USP4: variants seen among roughly 807,000 people sequenced by gnomAD.
USP4 encodes the protein ubiquitin specific peptidase 4, also known as ubiquitin carboxyl-terminal hydrolase 4.
Under a neutral mutation model 118.2 loss-of-function variants are expected in USP4, and 72 were observed. The ratio of observed to expected loss-of-function variants is 0.61; its 90% CI spans 0.50 to 0.74. The LOEUF is 0.74. Among genes scored for constraint, USP4 ranks in the 30% least tolerant of loss-of-function variants. USP4 has a pLI of 0.00. For missense variants in USP4, 1,037 were observed against 1,185.7 expected (o/e 0.87, Z 1.84); for synonymous variants, 415 against 440.4 (o/e 0.94, Z 0.72).
Position 49,284,045 on chromosome 3 carries a change from A to T in USP4, c.2482T>A (p.Phe828Ile). 1 of 1,614,242 alleles carries T rather than the reference A, an allele frequency of 6.2e-7. No homozygotes were observed. ...TCCCTCCAGTATCTGTTGTAGGAGAAACGTTTGAGGTGGACCACCAGGATC... is the reference window on the plus strand; with the variant it reads ...TCCCTCCAGTATCTGTTGTAGGAGATACGTTTGAGGTGGACCACCAGGATC... Reference protein sequence around the residue: ...PKILVVHLKRFSYNRYWRDKL... With the variant: ...PKILVVHLKRISYNRYWRDKL... Residue 828 changes from phenylalanine (F) to isoleucine (I), a missense_variant, in exon 19 of 22, where the codon TTC becomes ATC. By Grantham distance (21) the Phe-to-Ile change is conservative. Coordinates refer to ENST00000265560, the MANE Select transcript of USP4 (RefSeq NM_003363.4).
chr3:49,325,360 GTTT>G (rs920802280), intron 4 of USP4, among the ~76,000 whole-genome samples: 1 of 145,848 alleles, frequency 6.9e-6, no homozygotes, highest in Non-Finnish European at 1.5e-5. Flanking sequence ...GCTGCGATTT[GTTT>G]TTTTTTTTAA....
At position 49,335,417 on chromosome 3, in the gene USP4, T is replaced by A. The variant is rs201308122; in HGVS notation, c.229+52A>T. On this transcript the variant is annotated intron_variant, in intron 2 of 21. Transcript: ENST00000265560. ...GTCCATGTTACAGATGCACATAACA[T>A]CAGGCCACTGCCCAGGTGAATGTTT... The A allele has an allele frequency of 6.9e-5, 112 of 1,612,562 alleles. 1 individual carries two copies. Among genetic ancestry groups the A allele is most frequent in the Non-Finnish European group, 9.4e-5 (111 of 1,178,850 alleles).
At chr3:49,313,512 GAAC>G (rs1293818741) in intron 6 of USP4, among the ~76,000 whole-genome samples, 1 of 149,918 alleles carries the variant, frequency 6.7e-6, no homozygotes, top group East Asian at 2.0e-4. Context: ...TGGGCAACAA[GAAC>G]AAAACTCCAT....
chr3:49,322,820 G>T (rs927397049), intron 6 of USP4, among the ~76,000 whole-genome samples: 2 of 150,230 alleles, frequency 1.3e-5, no homozygotes, highest in Non-Finnish European at 3.0e-5. Context: ...TCGCACCATT[G>T]CACTCCAACC....
chr3:49,278,793 C>A, intron 21 of USP4, 21 bp downstream of exon 21: 1 of 1,554,986 alleles, frequency 6.4e-7, no homozygotes, highest in South Asian at 1.2e-5. Context: ...GAGGAAGAAC[C>A]ACATATCATG....
At chr3:49,282,003 C>T (rs976964096) in intron 19 of USP4, among the ~76,000 whole-genome samples, 7 of 151,146 alleles carry the variant, frequency 4.6e-5, no homozygotes, top group Non-Finnish European at 1.0e-4. Flanking sequence ...GAGTGAGACA[C>T]GGTCTCAAAA....
rs1452263073 is a variant in USP4 at position 49,338,361 on chromosome 3, A to C, written c.101+1563T>G. On this transcript the variant is annotated intron_variant, in intron 1 of 21. Transcript: ENST00000265560. ...TTATGAACCCTATAGAGGTTAACTT[A>C]AAAAGTACCTCTGCTAGGCCGGGCG... Among the ~76,000 whole-genome samples, 3 of 152,078 alleles carry C rather than the reference A, an allele frequency of 2.0e-5. No homozygotes were observed. The East Asian group carries it at 5.8e-4, about 29-fold the overall frequency.
At chr3:49,335,400 TAC>T in intron 2 of USP4, 67 bp downstream of exon 2, 2 of 1,602,648 alleles carry the variant, frequency 1.2e-6, no homozygotes, top group Non-Finnish European at 1.7e-6. Flanking sequence ...ACGTCCATGT[TAC>T]AGATGCACAT....
At chr3:49,334,724 C>G (rs1393891918) in intron 2 of USP4, among the ~76,000 whole-genome samples, 1 of 152,056 alleles carries the variant, frequency 6.6e-6, no homozygotes, top group East Asian at 1.9e-4. Context: ...ACCATGTTGG[C>G]CAGGCTGGTC....
At chr3:49,312,356 GCGGGCGCCTGTCATCCCAGCCACT>G in intron 6 of USP4, 1 of 397,004 alleles carries the variant, frequency 2.5e-6, no homozygotes, top group Non-Finnish European at 5.1e-6. Context: ...GGACATGGTG[GCGGGCGCCTGTCATCCCAGCCACT>G]CGGGAGGCTG....
chr3:49,293,064 G>T (rs1327768198), intron 14 of USP4, among the ~76,000 whole-genome samples: 1 of 152,040 alleles, frequency 6.6e-6, no homozygotes, highest in African/African-American at 2.4e-5. Flanking sequence ...TAACACAGTG[G>T]CTCAATATTT....
At chr3:49,283,487 T>A (rs539847741) in intron 19 of USP4, among the ~76,000 whole-genome samples, 1 of 152,232 alleles carries the variant, frequency 6.6e-6, no homozygotes, top group Admixed American at 6.5e-5. Flanking sequence ...TACTTTCCTG[T>A]TCTTAGTTAC....
chr3:49,308,347 T>C (rs2047342262), intron 8 of USP4, among the ~76,000 whole-genome samples: 1 of 151,928 alleles, frequency 6.6e-6, no homozygotes, highest in Non-Finnish European at 1.5e-5. Context: ...TGAGACAGAG[T>C]CTCACACTGT....
intron 7 of USP4, 21 bp from the exon 8 acceptor site, chr3:49,310,758 C>A (rs749713875): frequency 1.3e-6 from 2 of 1,590,254 alleles, no homozygotes; most frequent in East Asian, 2.2e-5. Flanking sequence ...CAACACACAT[C>A]AGCAATAAAA....
At chr3:49,287,129 G>A (rs532292278) in intron 15 of USP4, among the ~76,000 whole-genome samples, 3 of 152,172 alleles carry the variant, frequency 2.0e-5, no homozygotes, top group South Asian at 4.2e-4. Context: ...TAGGATTACA[G>A]ACGTGAGCCA....
At chr3:49,284,767 T>C (rs973375616) in intron 17 of USP4, 82 bp downstream of exon 17, 2 of 1,395,710 alleles carry the variant, frequency 1.4e-6, no homozygotes, top group African/African-American at 2.8e-5. Flanking sequence ...TAAATTGCTG[T>C]CCAACTGGTG....
intron 18 of USP4, 136 bp downstream of exon 18, chr3:49,284,330 G>A (rs1026867297): frequency 5.8e-6 from 6 of 1,036,536 alleles, no homozygotes; most frequent in African/African-American, 3.2e-5. Context: ...AACTCACAGA[G>A]GATTATGTTG....
In USP4 at chr3:49,291,320, T is replaced by C. The variant is rs551076271; in HGVS notation, c.1972+1190A>G. 1.6e-4 allele frequency among the ~76,000 whole-genome samples: 24 copies of C among 148,642 alleles called. No homozygotes were observed. In the East Asian group the frequency reaches 4.8e-3, roughly 30 times the overall value. On this transcript the variant is annotated intron_variant, in intron 15 of 21. Coordinates refer to ENST00000265560, the MANE Select transcript of USP4 (RefSeq NM_003363.4). ...AGCTGGGCACAGTGGCTCACACCTG[T>C]AATCCCAGCATTTTGGGAGGCTGAG...
Position 49,335,460 on chromosome 3 carries a change from T to C in USP4, c.229+9A>G. The stretch of plus-strand genomic sequence containing the variant: ...GAATGTTTAGCTAGAAAAGCAACAT[T>C]TACTATACCTGAAAATAGCCCAGAG... On this transcript the variant is annotated intron_variant, in intron 2 of 21. Transcript: ENST00000265560. The C allele has an allele frequency of 3.7e-6, 6 of 1,614,182 alleles. No homozygotes were observed. The highest frequency in any genetic ancestry group is 2.2e-5 in the East Asian group (1 of 44,882).
Sources: allele counts gnomAD v4.1 joint callset (sites outside exome capture counted in the v4.1 genomes callset), GRCh38; gene constraint gnomAD v4.1.1; transcripts MANE v1.5; gene names NCBI Gene and HGNC (gene_info 2026-07-23, HGNC 2026-07-21).